Variants in CTNND2 observed in about 807,000 individuals in gnomAD.
CTNND2 encodes the protein catenin delta-2.
In CTNND2, 22 loss-of-function variants were observed where a neutral mutation model predicts 144.4. The observed-to-expected ratio is 0.15, with a 90% CI of 0.11 to 0.22. The LOEUF is 0.22. Ranked by LOEUF, CTNND2 falls within the 10% of genes least tolerant of loss-of-function variation. CTNND2 has a pLI of 1.00. For synonymous variants in CTNND2, 751 were observed against 695.6 expected, an observed-to-expected ratio of 1.08 and a Z score of -1.25; for missense variants, 1,353 against 1,618.8, an observed-to-expected ratio of 0.84 and a Z score of 2.82.
chr5:11,233,052 T>G (rs1023164425), intron 10 of CTNND2, among the ~76,000 whole-genome samples: 2 of 152,148 alleles, frequency 1.3e-5, no homozygotes, highest in Admixed American at 1.3e-4. Context: ...ATTATAAGTT[T>G]CCTGAGGCCT....
At chr5:11,001,631 G>A (rs1739976726) in intron 18 of CTNND2, among the ~76,000 whole-genome samples, 1 of 152,172 alleles carries the variant, frequency 6.6e-6, no homozygotes, top group African/African-American at 2.4e-5. Flanking sequence ...TACATTCAGA[G>A]CCTTAGAACC....
intron 16 of CTNND2, among the ~76,000 whole-genome samples, chr5:11,041,016 T>C (rs1304673238): frequency 2.0e-5 from 3 of 152,208 alleles, no homozygotes; most frequent in Non-Finnish European, 4.4e-5. Flanking sequence ...GAGATCAGTG[T>C]TTCTCTGAAG....
At chr5:11,605,989 A>G (rs1266886024) in intron 2 of CTNND2, among the ~76,000 whole-genome samples, 1 of 152,186 alleles carries the variant, frequency 6.6e-6, no homozygotes, top group Non-Finnish European at 1.5e-5. Context: ...ATCTAATCAC[A>G]TGAGCTGGTA....
chr5:11,742,562 G>T (rs4702814), intron 1 of CTNND2, among the ~76,000 whole-genome samples: 118,024 of 151,814 alleles, frequency 0.78, 50,261 homozygotes, highest in Non-Finnish European at 0.94. Context: ...TGGCAAAATA[G>T]AATTACTTTT....
chr5:11,248,785 T>C (rs1007012405), intron 9 of CTNND2, among the ~76,000 whole-genome samples: 5 of 152,318 alleles, frequency 3.3e-5, no homozygotes, highest in African/African-American at 7.2e-5. Flanking sequence ...CCTGTCACAG[T>C]GTCTTTACAA....
At chr5:11,502,296 G>A (rs1359642824) in intron 3 of CTNND2, among the ~76,000 whole-genome samples, 1 of 152,098 alleles carries the variant, frequency 6.6e-6, no homozygotes, top group African/African-American at 2.4e-5. Context: ...ATTTTTCTAG[G>A]TACTGACTGT....
chr5:11,821,851 CAATTT>C (rs1159968202), intron 1 of CTNND2, among the ~76,000 whole-genome samples: 1 of 152,116 alleles, frequency 6.6e-6, no homozygotes, highest in African/African-American at 2.4e-5. Flanking sequence ...ATTATTTTAA[CAATTT>C]AATTTAGTAC....
rs1485269667 is a variant in CTNND2 at position 11,291,402 on chromosome 5, C to A, written c.1629-54579G>T. ...CAGTTTTTCTCCTATTCATTGGTCC[C>A]AAGTTTGATCCTGTTCCTTCAGTTC... On this transcript the variant is annotated intron_variant, in intron 9 of 21. Transcript: ENST00000304623. Among the ~76,000 whole-genome samples the A allele has an allele frequency of 3.3e-5, 5 of 152,218 alleles. No individual in the cohort carries two copies. The East Asian group carries it at 9.7e-4, about 29-fold the overall frequency.
intron 9 of CTNND2, among the ~76,000 whole-genome samples, chr5:11,282,742 A>G (rs1747290655): frequency 6.6e-6 from 1 of 152,266 alleles, no homozygotes; most frequent in African/African-American, 2.4e-5. Context: ...GAATATTTAT[A>G]GAACAATAAG....
intron 3 of CTNND2, among the ~76,000 whole-genome samples, chr5:11,564,432 C>A (rs1224240201): frequency 6.6e-6 from 1 of 152,142 alleles, no homozygotes; most frequent in Non-Finnish European, 1.5e-5. Context: ...TCAAACTAAT[C>A]ACTAATTGAA....
At chr5:11,097,685 T>C (rs1211872896) in intron 15 of CTNND2, among the ~76,000 whole-genome samples, 1 of 152,180 alleles carries the variant, frequency 6.6e-6, no homozygotes, top group African/African-American at 2.4e-5. Flanking sequence ...GTGTGACATC[T>C]ATGGCCTTGA....
chr5:11,053,700 G>A (rs1420144208), intron 16 of CTNND2, among the ~76,000 whole-genome samples: 2 of 152,020 alleles, frequency 1.3e-5, no homozygotes, highest in Non-Finnish European at 2.9e-5. Flanking sequence ...TAAAGCTTAG[G>A]AGTTCTTGGC....
chr5:11,715,738 A>G (rs1370440311), intron 2 of CTNND2, among the ~76,000 whole-genome samples: 2 of 152,244 alleles, frequency 1.3e-5, no homozygotes, highest in Non-Finnish European at 2.9e-5. Flanking sequence ...TTACCCATCC[A>G]AGTGCCAAAT....
intron 2 of CTNND2, among the ~76,000 whole-genome samples, chr5:11,596,954 C>T (rs1779537022): frequency 1.3e-5 from 2 of 152,218 alleles, no homozygotes; most frequent in African/African-American, 4.8e-5. Context: ...TCTTGACTGC[C>T]TGAGAACAAG....
At chr5:11,724,728 T>A (rs577850785) in intron 2 of CTNND2, among the ~76,000 whole-genome samples, 7 of 152,366 alleles carry the variant, frequency 4.6e-5, no homozygotes, top group African/African-American at 1.7e-4. Flanking sequence ...GTTTGTGATT[T>A]CCTATAAAAA....
intron 1 of CTNND2, among the ~76,000 whole-genome samples, chr5:11,739,752 T>C (rs1787890359): frequency 6.6e-6 from 1 of 152,126 alleles, no homozygotes; most frequent in Admixed American, 6.5e-5. Flanking sequence ...GAAGTCAAAT[T>C]GTACCTGTTT....
At chr5:11,080,448 A>G (rs1398319669) in intron 16 of CTNND2, among the ~76,000 whole-genome samples, 5 of 152,362 alleles carry the variant, frequency 3.3e-5, no homozygotes, top group African/African-American at 1.2e-4. Context: ...GAATTACTAT[A>G]TGATCCAGTA....
At chr5:11,176,046 G>A (rs1201134606) in intron 11 of CTNND2, among the ~76,000 whole-genome samples, 3 of 152,094 alleles carry the variant, frequency 2.0e-5, no homozygotes, top group African/African-American at 7.2e-5. Flanking sequence ...TTATTTCCCA[G>A]TTGGGTCATG....
chr5:11,107,208 G>T (rs1315355767), intron 14 of CTNND2, among the ~76,000 whole-genome samples: 1 of 152,118 alleles, frequency 6.6e-6, no homozygotes, highest in African/African-American at 2.4e-5. Flanking sequence ...TTTCTTCTTG[G>T]AGGTTAGTGC....
Sources: gnomAD v4.1 joint callset for allele counts (sites outside exome capture counted in the v4.1 genomes callset) on GRCh38, gnomAD v4.1.1 for gene constraint, MANE v1.5 for transcripts, NCBI Gene and HGNC (gene_info 2026-07-23, HGNC 2026-07-21) for gene names.